The following TRMU variants were observed in gnomAD, a reference collection of about 807,000 sequenced individuals.
TRMU encodes mitochondrial tRNA-specific 2-thiouridylase 1.
In TRMU, 49 loss-of-function variants were observed where a neutral mutation model predicts 46.9. The ratio of observed to expected loss-of-function variants is 1.05; its 90% CI spans 0.83 to 1.33. The LOEUF (loss-of-function observed/expected upper bound fraction) is 1.33, where lower values mean the gene tolerates loss of function less well. Ranked by LOEUF, TRMU falls within the 40% of genes most tolerant of loss-of-function variation. The pLI, the probability that TRMU is intolerant of heterozygous loss-of-function variation, is 0.00. For missense variants in TRMU, 572 were observed against 532.4 expected (o/e 1.07, Z -0.73); for synonymous variants, 241 against 200.9 (o/e 1.20, Z -1.69).
intron 8 of TRMU, chr22:46,354,237 G>A (rs556611826): frequency 2.5e-5 from 8 of 315,410 alleles, no homozygotes; most frequent in Non-Finnish European, 4.4e-5. Flanking sequence ...GTGAGTTGTT[G>A]TCAGGCAGGT....
rs372767259 is a variant in TRMU at position 46,357,015 on chromosome 22, G to C, written c.*9G>C. The C allele has an allele frequency of 2.5e-6, 4 of 1,613,386 alleles. No individual in the cohort carries two copies. Among genetic ancestry groups the C allele is most frequent in the Non-Finnish European group, 2.5e-6 (3 of 1,180,004 alleles). On this transcript the variant is annotated 3_prime_UTR_variant, in exon 11 of 11. Coordinates refer to ENST00000645190, the MANE Select transcript of TRMU (RefSeq NM_018006.5). ...TGAGTCCCTTGCTCTGACAGAGATGGATCTGCTAGAAGGAACCTGGAGAGC... is the reference window on the plus strand; with the variant it reads ...TGAGTCCCTTGCTCTGACAGAGATGCATCTGCTAGAAGGAACCTGGAGAGC...
chr22:46,350,333 C>T lies in TRMU; in HGVS notation c.521C>T (p.Thr174Ile), dbSNP rs1356390529. Reference protein sequence around the residue: ...LQAADSFKDQTFFLSQVSQDA... With the variant: ...LQAADSFKDQIFFLSQVSQDA... ...GCAGCTGACAGCTTTAAAGACCAGA[C>T]CTTCTTTCTCAGCCAGGTTTCCCAG... Residue 174 changes from threonine (T) to isoleucine (I), a missense_variant, in exon 5 of 11, where the codon ACC (threonine) becomes ATC (isoleucine). Coordinates refer to ENST00000645190, the MANE Select transcript of TRMU (RefSeq NM_018006.5). This position sits in a 1 kb window ranked among gnomAD's most constrained non-coding sequence, Gnocchi z 4.6. The T allele has an allele frequency of 6.2e-7, 1 of 1,614,118 alleles. No individual in the cohort carries two copies. The highest frequency in any genetic ancestry group is 8.5e-7 in the Non-Finnish European group (1 of 1,180,054).
intron 6 of TRMU, 44 bp downstream of exon 6, chr22:46,352,218 G>A (rs2078451530): frequency 6.2e-7 from 1 of 1,614,006 alleles, no homozygotes; most frequent in African/African-American, 1.3e-5. Flanking sequence ...CTGCGTGTCT[G>A]CCCTGGGCCT....
intron 7 of TRMU, chr22:46,353,533 C>A (rs2078500408): frequency 2.2e-6 from 1 of 457,882 alleles, no homozygotes; most frequent in African/African-American, 2.0e-5. Flanking sequence ...GCACAAGGTG[C>A]CTTCTTTGTG....
At position 46,339,529 on chromosome 22, in the gene TRMU, T is replaced by A. The variant is rs905113452; in HGVS notation, c.248+1585T>A. Among the ~76,000 whole-genome samples the A allele has an allele frequency of 2.0e-5, 3 of 152,130 alleles. No homozygotes were observed. The highest frequency in any genetic ancestry group is 7.2e-5 in the African/African-American group (3 of 41,410). ...ACGCAAAGGCATAAAAATGATATAATGGACTCTGGGGTGAGGGATAAAAGA... is the reference window on the plus strand; with the variant it reads ...ACGCAAAGGCATAAAAATGATATAAAGGACTCTGGGGTGAGGGATAAAAGA... On this transcript the variant is annotated intron_variant, in intron 2 of 10. Coordinates refer to ENST00000645190, the MANE Select transcript of TRMU (RefSeq NM_018006.5). This position sits in a 1 kb window ranked among gnomAD's most constrained non-coding sequence, Gnocchi z 4.8.
intron 3 of TRMU, among the ~76,000 whole-genome samples, chr22:46,344,010 G>T (rs2078189128): frequency 1.3e-5 from 2 of 152,098 alleles, no homozygotes; most frequent in Admixed American, 1.3e-4. Flanking sequence ...GTGGAGTTAG[G>T]AATAAACAAA....
Position 46,348,115 on chromosome 22 carries a change from T to C in TRMU, c.478+1571T>C, listed in dbSNP as rs1391848294. On this transcript the variant is annotated intron_variant, in intron 4 of 10. Coordinates refer to ENST00000645190, the MANE Select transcript of TRMU (RefSeq NM_018006.5). This position sits in a 1 kb window ranked among gnomAD's most constrained non-coding sequence, Gnocchi z 4.8. ...CATTTCAGGAAGACATGGGTTGGAA[T>C]GCAGAGTCCTGCCACTTGGGAACTC... 2.0e-5 allele frequency among the ~76,000 whole-genome samples: 3 copies of C among 152,164 alleles called. No individual in the cohort carries two copies. The East Asian group carries it at 5.8e-4, about 29-fold the overall frequency.
rs1394560174 is a variant in TRMU at position 46,350,099 on chromosome 22, T to A, written c.479-192T>A. 2.6e-5 allele frequency among the ~76,000 whole-genome samples: 4 copies of A among 152,262 alleles called. No homozygotes were observed. In the East Asian group the frequency reaches 7.7e-4, roughly 29 times the overall value. On this transcript the variant is annotated intron_variant, in intron 4 of 10. Transcript: ENST00000645190. This position sits in a 1 kb window ranked among gnomAD's most constrained non-coding sequence, Gnocchi z 4.6. ...TTCTTTGTCATGTAAAATCCTTGTT[T>A]TTTTTTTTGGAGGTGCGAATTTTTC...
At position 46,336,055 on chromosome 22, in the gene TRMU, A is replaced by G; in HGVS notation, c.82+209A>G. 7.1e-7 allele frequency: 1 copy of G among 1,401,242 alleles called. No individual in the cohort carries two copies. The highest frequency in any genetic ancestry group is 9.2e-7 in the Non-Finnish European group (1 of 1,081,458). 86.8% of individuals were successfully genotyped at this position (1,401,242 alleles called of 1,614,324 possible). A position where few individuals can be genotyped will look rare whatever the true frequency, so the allele number is the denominator to read the frequency against. The stretch of plus-strand genomic sequence containing the variant: ...GGAGGTGTGCGCGACTGCAGCTCCG[A>G]CTACCTGGGAGCAGTTCCGCGCCCC... On this transcript the variant is annotated intron_variant, in intron 1 of 10. Coordinates refer to ENST00000645190, the MANE Select transcript of TRMU (RefSeq NM_018006.5). This position sits in a 1 kb window ranked among gnomAD's most constrained non-coding sequence, Gnocchi z 4.1.
rs746421213 is a variant in TRMU, at chr22:46,346,495, C to T, written c.429C>T (p.His143=). ...LEDEEVFEQK[H]VKKPEGLFRN... Reference sequence around the variant, plus strand: ...ATGAAGAAGTCTTTGAGCAGAAGCACGTTAAGAAGCCCGAAGGGCTTTTCA... The same window carrying T: ...ATGAAGAAGTCTTTGAGCAGAAGCATGTTAAGAAGCCCGAAGGGCTTTTCA... Residue 143 remains histidine (H), a synonymous_variant, in exon 4 of 11, where the codon CAC becomes CAT. Transcript: ENST00000645190. 39 of 1,613,322 alleles carry T rather than the reference C, an allele frequency of 2.4e-5. No individual in the cohort carries two copies. Among genetic ancestry groups the T allele is most frequent in the Admixed American group, 1.0e-4 (6 of 59,982 alleles).
Position 46,346,646 on chromosome 22 carries a change from C to G in TRMU, c.478+102C>G, listed in dbSNP as rs1050345918. On this transcript the variant is annotated intron_variant, in intron 4 of 10. Transcript: ENST00000645190. ...GCCTGAGGATCACTGCCACCCCTCCCTCTGTGCTCCAGAGTAGCTTGTATG... is the reference window on the plus strand; with the variant it reads ...GCCTGAGGATCACTGCCACCCCTCCGTCTGTGCTCCAGAGTAGCTTGTATG... The G allele has an allele frequency of 2.9e-6, 4 of 1,381,594 alleles. No homozygotes were observed. The African/African-American group carries it at 4.3e-5, about 15-fold the overall frequency. 85.6% of individuals were successfully genotyped at this position (1,381,594 alleles called of 1,614,324 possible).
chr22:46,339,780 A>G lies in TRMU; in HGVS notation c.248+1836A>G, dbSNP rs2078073122. On this transcript the variant is annotated intron_variant, in intron 2 of 10. Transcript: ENST00000645190. This position sits in a 1 kb window ranked among gnomAD's most constrained non-coding sequence, Gnocchi z 4.8. ...ACCCTCTGTGACTCTATGCTATAAC[A>G]TATGGGTGTCGTATATATTAACAAC... 6.6e-6 allele frequency among the ~76,000 whole-genome samples: 1 copy of G among 152,214 alleles called. No homozygotes were observed. The highest frequency in any genetic ancestry group is 6.5e-5 in the Admixed American group (1 of 15,280).
Position 46,348,237 on chromosome 22 carries a change from A to C in TRMU, c.478+1693A>C, listed in dbSNP as rs1029978392. On this transcript the variant is annotated intron_variant, in intron 4 of 10. Transcript: ENST00000645190. The surrounding 1 kb of genome is among the most constrained non-coding windows in gnomAD (Gnocchi z 4.8). Reference sequence around the variant, plus strand: ...ATAGATGCGCCTGCTTACCTCCTAGAACATTACCTCCTAGAACACTGTGTG... The same window carrying C: ...ATAGATGCGCCTGCTTACCTCCTAGCACATTACCTCCTAGAACACTGTGTG... 6.6e-6 allele frequency among the ~76,000 whole-genome samples: 1 copy of C among 151,928 alleles called. No individual in the cohort carries two copies. The highest frequency in any genetic ancestry group is 2.1e-4 in the South Asian group (1 of 4,828).
Position 46,356,076 on chromosome 22 carries a change from CGTGGGGT to C in TRMU, c.1101+11_1101+17del. 6.2e-7 allele frequency: 1 copy of C among 1,613,862 alleles called. No individual in the cohort carries two copies. Among genetic ancestry groups the C allele is most frequent in the African/African-American group, 1.3e-5 (1 of 75,052 alleles). On this transcript the variant is annotated splice_donor_5th_base_variant and intron_variant, in intron 10 of 10. Transcript: ENST00000645190. ...GCGTGCCCTTGCCACAGGACAGGTG[CGTGGGGT>C]GTGGGGGTGAGCCCGGGGAGGACTG...
At position 46,352,276 on chromosome 22, in the gene TRMU, C is replaced by G. The variant is rs367683258; in HGVS notation, c.718C>G (p.Arg240Gly). ...GTTTGTTTTCCAGTATCTGCAGCCTCGACCTGGTCACTTTATTTCCATAGA... is the reference window on the plus strand; with the variant it reads ...GTTTGTTTTCCAGTATCTGCAGCCTGGACCTGGTCACTTTATTTCCATAGA... ...EHFLLQYLQP[R>G]PGHFISIEDN... The change falls in exon 7 of 11, where the codon CGA becomes GGA. Residue 240 changes from arginine to glycine, a missense_variant. Arg to Gly is a moderately radical substitution (Grantham distance 125). Transcript: ENST00000645190. The G allele has an allele frequency of 2.5e-6, 4 of 1,614,134 alleles. No homozygotes were observed. The highest frequency in any genetic ancestry group is 3.4e-6 in the Non-Finnish European group (4 of 1,180,036).
At chr22:46,353,941 T>C in intron 8 of TRMU, 74 bp downstream of exon 8, 1 of 1,408,130 alleles carries the variant, frequency 7.1e-7, no homozygotes, top group Non-Finnish European at 1.0e-6. Flanking sequence ...GACCAGGGCT[T>C]GAGAAGGCCT....
chr22:46,352,019 G>T, intron 5 of TRMU, 102 bp from the exon 6 acceptor site: 1 of 1,325,202 alleles, frequency 7.5e-7, no homozygotes, highest in Non-Finnish European at 1.1e-6. Context: ...AGCAAAGTGT[G>T]GGGTGAGGCC....
intron 8 of TRMU, chr22:46,355,090 C>T: frequency 2.6e-6 from 1 of 378,458 alleles, no homozygotes. Flanking sequence ...ATAGAAAAAC[C>T]AGTCCTCGAG....
In TRMU at chr22:46,335,860, G is replaced by A; in HGVS notation, c.82+14G>A. On this transcript the variant is annotated intron_variant, in intron 1 of 10. Transcript: ENST00000645190. ...TGAGGCGGAGAGGTGAGGCGTCCGA[G>A]GCTCCCGCCCCCCGCCGAGCGAATG... 6.5e-7 allele frequency: 1 copy of A among 1,536,750 alleles called. No individual in the cohort carries two copies.
Sources: gnomAD v4.1 joint callset for allele counts (sites outside exome capture counted in the v4.1 genomes callset) on GRCh38, gnomAD v4.1.1 for gene constraint, Gnocchi (gnomAD v3.1) non-coding constraint, MANE v1.5 for transcripts, NCBI Gene and HGNC (gene_info 2026-07-23, HGNC 2026-07-21) for gene names.